CGRRF1: variants seen among roughly 807,000 people sequenced by gnomAD.
CGRRF1 encodes the protein cell growth regulator with ring finger domain 1, also known as cell growth regulator with RING finger domain protein 1.
A neutral mutation model predicts 37.2 loss-of-function variants in CGRRF1; 32 were observed. The ratio of observed to expected loss-of-function variants is 0.86; its 90% confidence interval spans 0.65 to 1.16. CGRRF1 has a LOEUF of 1.16. Among genes scored for constraint, CGRRF1 ranks in the 50% most tolerant of loss-of-function variants. CGRRF1 has a pLI of 0.00. For synonymous variants in CGRRF1, 141 were observed against 140.3 expected (o/e 1.00, Z -0.04); for missense variants, 391 against 382.6 (o/e 1.02, Z -0.18).
At chr14:54,520,525 C>T (rs565179954) in intron 1 of CGRRF1, among the ~76,000 whole-genome samples, 3 of 152,234 alleles carry the variant, frequency 2.0e-5, no homozygotes, top group East Asian at 1.9e-4. Flanking sequence ...TGAACGTTAC[C>T]GTCAATTTTC....
chr14:54,516,419 G>C (rs138404117), intron 1 of CGRRF1, among the ~76,000 whole-genome samples: 41 of 152,218 alleles, frequency 2.7e-4, no homozygotes, highest in African/African-American at 9.9e-4. Context: ...TAGAATTCTA[G>C]ATTGACAAGA....
rs2032638129 is a variant in CGRRF1, at chr14:54,538,480, C to G, written c.*97C>G. ...ACATGGAATCTACAGTACTGACCAT[C>G]AATGAAAATTATATTTTAACTTCAT... is the stretch of plus-strand genomic sequence containing the variant. On this transcript the variant is annotated 3_prime_UTR_variant, in exon 6 of 6. Transcript: ENST00000216420. The G allele has an allele frequency of 5.1e-6, 4 of 780,968 alleles. No homozygotes were observed. Among genetic ancestry groups the G allele is most frequent in the Non-Finnish European group, 8.0e-6 (4 of 500,428 alleles). The allele number at this position is 780,968 out of a possible 1,614,324, so 48.4% of individuals were successfully genotyped here.
At chr14:54,530,267 G>A (rs774817759) in intron 3 of CGRRF1, 41 bp downstream of exon 3, 1 of 1,472,202 alleles carries the variant, frequency 6.8e-7, no homozygotes, top group Non-Finnish European at 9.4e-7. Flanking sequence ...CTGAAAATTA[G>A]ACTTCTTATG....
chr14:54,516,147 A>G (rs1033444504), intron 1 of CGRRF1, among the ~76,000 whole-genome samples: 1 of 152,170 alleles, frequency 6.6e-6, no homozygotes, highest in African/African-American at 2.4e-5. Context: ...TTGAAAGTTT[A>G]TAATGTATCT....
At chr14:54,518,571 A>G (rs963865217) in intron 1 of CGRRF1, among the ~76,000 whole-genome samples, 9 of 152,038 alleles carry the variant, frequency 5.9e-5, no homozygotes, top group Non-Finnish European at 8.8e-5. Flanking sequence ...AAGAAAAAAA[A>G]AAGTGTTTCT....
At chr14:54,521,528 G>A (rs887003538) in intron 1 of CGRRF1, among the ~76,000 whole-genome samples, 3 of 150,978 alleles carry the variant, frequency 2.0e-5, no homozygotes, top group East Asian at 3.9e-4. Context: ...TTTGAGAGAC[G>A]AAATCTTGCT....
Position 54,538,254 on chromosome 14 carries a change from A to G in CGRRF1, c.870A>G (p.Arg290=), listed in dbSNP as rs988004545. ...TGAACTGGGTACTCTTACCATGCAG[A>G]CACACATGCCTGTGTGATGGCTGTG... ...GTVNWVLLPC[R]HTCLCDGCVK... Residue 290 remains arginine (R), a synonymous_variant, in exon 6 of 6, where the codon AGA becomes AGG. Coordinates refer to ENST00000216420, the MANE Select transcript of CGRRF1 (RefSeq NM_006568.3). The G allele has an allele frequency of 1.2e-6, 2 of 1,614,144 alleles. No homozygotes were observed. The highest frequency in any genetic ancestry group is 1.7e-6 in the Non-Finnish European group (2 of 1,179,960).
At chr14:54,533,089 C>T (rs2032543325) in intron 4 of CGRRF1, among the ~76,000 whole-genome samples, 2 of 151,662 alleles carry the variant, frequency 1.3e-5, no homozygotes, top group South Asian at 2.1e-4. Flanking sequence ...TCTAGGTGCT[C>T]AGGGTCTTTT....
intron 2 of CGRRF1, among the ~76,000 whole-genome samples, chr14:54,524,386 T>G (rs1042578242): frequency 6.2e-5 from 8 of 128,360 alleles, no homozygotes; most frequent in Admixed American, 8.3e-5. Flanking sequence ...AAAATATATG[T>G]TTTTTTTTTT....
chr14:54,534,784 G>A (rs2032574043), intron 4 of CGRRF1, among the ~76,000 whole-genome samples: 1 of 152,046 alleles, frequency 6.6e-6, no homozygotes, highest in African/African-American at 2.4e-5. Flanking sequence ...GCACAGTCAT[G>A]GCTCACTGCA....
intron 1 of CGRRF1, among the ~76,000 whole-genome samples, chr14:54,520,649 G>A (rs2032301295): frequency 6.6e-6 from 1 of 152,162 alleles, no homozygotes; most frequent in Non-Finnish European, 1.5e-5. Flanking sequence ...TATTAGAGAA[G>A]GATACAGCAT....
chr14:54,522,381 A>G (rs1313271718), intron 1 of CGRRF1, 73 bp from the exon 2 acceptor site: 2 of 1,088,046 alleles, frequency 1.8e-6, no homozygotes, highest in South Asian at 2.0e-5. Flanking sequence ...CTAATGAAGC[A>G]CAACAGATTT....
chr14:54,518,912 C>A (rs1350957071), intron 1 of CGRRF1, among the ~76,000 whole-genome samples: 2 of 152,056 alleles, frequency 1.3e-5, no homozygotes, highest in South Asian at 2.1e-4. Flanking sequence ...GACCTCCAGA[C>A]CAGGACTAGG....
At position 54,528,377 on chromosome 14, in the gene CGRRF1, A is replaced by G. The variant is rs192452210; in HGVS notation, c.245-1672A>G. On this transcript the variant is annotated intron_variant, in intron 2 of 5. Transcript: ENST00000216420. ...TTTATTCATTTAATCCGCATTGATG[A>G]ACATTTGGGTTTATTCCAGCATTTT... Among the ~76,000 whole-genome samples the G allele has an allele frequency of 1.6e-3, 248 of 152,216 alleles. 4 individuals carry two copies. The highest frequency in any genetic ancestry group is 3.2e-4 in the Non-Finnish European group (22 of 67,996).
intron 1 of CGRRF1, among the ~76,000 whole-genome samples, chr14:54,513,566 TTTATGTTATGTTATG>T (rs150170270): frequency 0.018 from 2,704 of 146,644 alleles, 36 homozygotes; most frequent in Middle Eastern, 0.094. Context: ...TGGACACAGT[TTTATGTTATGTTATG>T]TTATGTTATG....
intron 2 of CGRRF1, among the ~76,000 whole-genome samples, chr14:54,526,452 A>G (rs898604995): frequency 6.6e-6 from 1 of 151,722 alleles, no homozygotes; most frequent in African/African-American, 2.4e-5. Context: ...CCCTGGCCAT[A>G]TTTTAAAATT....
intron 4 of CGRRF1, among the ~76,000 whole-genome samples, chr14:54,532,811 T>C (rs1277947479): frequency 6.6e-6 from 1 of 152,126 alleles, no homozygotes; most frequent in Non-Finnish European, 1.5e-5. Context: ...ATGAGAGGCC[T>C]TCTGGCTTCC....
chr14:54,535,393 A>ACACACACC lies in CGRRF1; in HGVS notation c.571-2328_571-2327insACACACCC, dbSNP rs1252336754. 2.9e-3 allele frequency among the ~76,000 whole-genome samples: 444 copies of ACACACACC among 150,952 alleles called. 1 individual carries two copies. Among genetic ancestry groups the ACACACACC allele is most frequent in the African/African-American group, 0.01 (423 of 41,142 alleles). ...CACACACACACACACACACACACAC[A>ACACACACC]CTTTTTGTAAATTAAAACATTCTCA... is the stretch of plus-strand genomic sequence containing the variant. On this transcript the variant is annotated intron_variant, in intron 4 of 5. Coordinates refer to ENST00000216420, the MANE Select transcript of CGRRF1 (RefSeq NM_006568.3).
chr14:54,518,352 C>T (rs889171198), intron 1 of CGRRF1, among the ~76,000 whole-genome samples: 1 of 151,974 alleles, frequency 6.6e-6, no homozygotes, highest in Non-Finnish European at 1.5e-5. Flanking sequence ...TTGAGACCAG[C>T]CTGACCAACA....
Sources: allele counts gnomAD v4.1 joint callset (sites outside exome capture counted in the v4.1 genomes callset), GRCh38; gene constraint gnomAD v4.1.1; transcripts MANE v1.5; gene names NCBI Gene and HGNC (gene_info 2026-07-23, HGNC 2026-07-21).